The following RAB8A variants were observed in gnomAD, a reference collection of about 807,000 sequenced individuals.
RAB8A encodes the protein ras-related protein Rab-8A.
A neutral mutation model predicts 29.2 loss-of-function variants in RAB8A; 5 were observed. That is an observed-to-expected ratio of 0.17 (90% confidence interval 0.09 to 0.36). The LOEUF (loss-of-function observed/expected upper bound fraction) is 0.36. RAB8A is among the 10% of genes least tolerant of loss of function. RAB8A has a pLI of 1.00. For missense variants in RAB8A, 171 were observed against 272.2 expected (o/e 0.63, Z 2.62); for synonymous variants, 108 against 99.9 (o/e 1.08, Z -0.49).
chr19:16,124,999 CTTCCTG>C, intron 3 of RAB8A: 2 of 205,470 alleles, frequency 9.7e-6, no homozygotes, highest in South Asian at 8.3e-5. Context: ...CGGGTCAGGA[CTTCCTG>C]GGCTCAGTTG....
chr19:16,128,538 C>T (rs1002836892), intron 6 of RAB8A, among the ~76,000 whole-genome samples: 18 of 152,212 alleles, frequency 1.2e-4, no homozygotes, highest in Admixed American at 9.2e-4. Flanking sequence ...CCCAGCCCTG[C>T]GGCCGATCCT....
chr19:16,118,387 A>C (rs1022196247), intron 2 of RAB8A, 101 bp downstream of exon 2: 3 of 1,094,564 alleles, frequency 2.7e-6, no homozygotes, highest in African/African-American at 3.2e-5. Context: ...CTTGGCCTCC[A>C]TTTCTTGGTG....
Position 16,127,792 on chromosome 19 carries a change from G to T in RAB8A, c.415-234G>T. 1.6e-6 allele frequency: 1 copy of T among 624,910 alleles called. No individual in the cohort carries two copies. Among genetic ancestry groups the T allele is most frequent in the East Asian group, 2.7e-5 (1 of 36,488 alleles). The allele number at this position is 624,910 out of a possible 1,614,324, so 38.7% of individuals were successfully genotyped here. A position where few individuals can be genotyped will look rare whatever the true frequency, so the allele number is the denominator to read the frequency against. On this transcript the variant is annotated intron_variant, in intron 5 of 7. Transcript: ENST00000300935. This position sits in a 1 kb window ranked among gnomAD's most constrained non-coding sequence, Gnocchi z 4.8. ...CAGAGCCATAGTTTGATCCCAGCAG[G>T]TCCCCGCCACCCTCCCATCTCAGCT...
chr19:16,127,469 C>T lies in RAB8A; in HGVS notation c.357C>T (p.Leu119=), dbSNP rs1043308. The T allele has an allele frequency of 0.32, 487,424 of 1,520,232 alleles. 79,422 individuals are homozygous for T. Among genetic ancestry groups the T allele is most frequent in the Admixed American group, 0.36 (15,811 of 43,950 alleles). The allele number at this position is 1,520,232 out of a possible 1,614,324, so 94.2% of individuals were successfully genotyped here. A position where few individuals can be genotyped will look rare whatever the true frequency, so the allele number is the denominator to read the frequency against. ...CTGCAGACGTCGAAAAGATGATACT[C>T]GGGAACAAGTGTGATGTGAATGACA... The part of the protein sequence containing the change: ...HASADVEKMI[L]GNKCDVNDKR... Residue 119 remains leucine, a synonymous_variant, in exon 5 of 8, where the codon CTC becomes CTT. Transcript: ENST00000300935. This position sits in a 1 kb window ranked among gnomAD's most constrained non-coding sequence, Gnocchi z 4.8.
intron 2 of RAB8A, among the ~76,000 whole-genome samples, chr19:16,119,472 T>G (rs183090213): frequency 2.6e-5 from 4 of 152,194 alleles, no homozygotes; most frequent in Admixed American, 6.5e-5. Flanking sequence ...CCCAAAGTGC[T>G]GGGATTATAG....
rs571055381 is a variant in RAB8A, at chr19:16,125,020, T to C, written c.247-450T>C. ...AGGACTTCCTGGGCTCAGTTGTGCC[T>C]GGTAGGTGGCTCAGGCAGAGCGTGG... On this transcript the variant is annotated intron_variant, in intron 3 of 7. Transcript: ENST00000300935. This position sits in a 1 kb window ranked among gnomAD's most constrained non-coding sequence, Gnocchi z 5.0. 1.7e-5 allele frequency: 4 copies of C among 230,978 alleles called. No individual in the cohort carries two copies. In the East Asian group the frequency reaches 3.9e-4, roughly 23 times the overall value. 14.3% of individuals were successfully genotyped at this position (230,978 alleles called of 1,614,324 possible). A position where few individuals can be genotyped will look rare whatever the true frequency, so the allele number is the denominator to read the frequency against.
Position 16,132,387 on chromosome 19 carries a change from C to A in RAB8A, c.*83C>A, listed in dbSNP as rs1468781609. 5 of 1,405,724 alleles carry A rather than the reference C, an allele frequency of 3.6e-6. No individual in the cohort carries two copies. The highest frequency in any genetic ancestry group is 3.9e-6 in the Non-Finnish European group (4 of 1,017,926). 87.1% of individuals were successfully genotyped at this position (1,405,724 alleles called of 1,614,324 possible). A position where few individuals can be genotyped will look rare whatever the true frequency, so the allele number is the denominator to read the frequency against. ...GAGCCCCTCACTCAGCCGGGGCCCT[C>A]CCACCTCCAACGCCCCGCCCACGCC... On this transcript the variant is annotated 3_prime_UTR_variant, in exon 8 of 8. Transcript: ENST00000300935. The surrounding 1 kb of genome is among the most constrained non-coding windows in gnomAD (Gnocchi z 5.6).
intron 1 of RAB8A, chr19:16,112,265 C>A: frequency 1.9e-6 from 1 of 530,958 alleles, no homozygotes; most frequent in Non-Finnish European, 3.4e-6. Context: ...TCAGCCCGCT[C>A]GTTAGGGCGT....
At position 16,127,974 on chromosome 19, in the gene RAB8A, C is replaced by G. The variant is rs1256967136; in HGVS notation, c.415-52C>G. Reference sequence around the variant, plus strand: ...CTTCAGCTCCTGTTTTAGGCAAGCTCAGATGCGCCCGGCGGCTGGTGTGCT... The same window carrying G: ...CTTCAGCTCCTGTTTTAGGCAAGCTGAGATGCGCCCGGCGGCTGGTGTGCT... On this transcript the variant is annotated intron_variant, in intron 5 of 7. Coordinates refer to ENST00000300935, the MANE Select transcript of RAB8A (RefSeq NM_005370.5). The surrounding 1 kb of genome is among the most constrained non-coding windows in gnomAD (Gnocchi z 4.8). 1 of 1,589,946 alleles carries G rather than the reference C, an allele frequency of 6.3e-7. No homozygotes were observed. The highest frequency in any genetic ancestry group is 8.6e-7 in the Non-Finnish European group (1 of 1,158,030).
chr19:16,125,344 C>A lies in RAB8A; in HGVS notation c.247-126C>A, dbSNP rs530929887. ...CGGGGCTCCACAGAGGTGGGGAGGG[C>A]GGCAGCTAATGGGCCTGGCTGTGCA... On this transcript the variant is annotated intron_variant, in intron 3 of 7. Coordinates refer to ENST00000300935, the MANE Select transcript of RAB8A (RefSeq NM_005370.5). The surrounding 1 kb of genome is among the most constrained non-coding windows in gnomAD (Gnocchi z 5.0). 3 of 763,160 alleles carry A rather than the reference C, an allele frequency of 3.9e-6. No homozygotes were observed. The highest frequency in any genetic ancestry group is 4.3e-5 in the Admixed American group (2 of 46,480). The allele number at this position is 763,160 out of a possible 1,614,324, so 47.3% of individuals were successfully genotyped here.
chr19:16,114,008 C>G (rs968467583), intron 1 of RAB8A, among the ~76,000 whole-genome samples: 4 of 152,214 alleles, frequency 2.6e-5, no homozygotes, highest in East Asian at 1.9e-4. Context: ...CCCCCTCCCC[C>G]ACTCCAAGGC....
Position 16,132,376 on chromosome 19 carries a change from G to GAA in RAB8A, c.*72_*73insAA. On this transcript the variant is annotated 3_prime_UTR_variant, in exon 8 of 8. Coordinates refer to ENST00000300935, the MANE Select transcript of RAB8A (RefSeq NM_005370.5). The surrounding 1 kb of genome is among the most constrained non-coding windows in gnomAD (Gnocchi z 5.6). ...CTGTTCTGAGTGAGCCCCTCACTCA[G>GAA]CCGGGGCCCTCCCACCTCCAACGCC... 10 of 1,496,598 alleles carry GAA rather than the reference G, an allele frequency of 6.7e-6. No homozygotes were observed. Among genetic ancestry groups the GAA allele is most frequent in the African/African-American group, 1.4e-5 (1 of 72,088 alleles). The allele number at this position is 1,496,598 out of a possible 1,614,324, so 92.7% of individuals were successfully genotyped here.
chr19:16,125,553 G>T lies in RAB8A; in HGVS notation c.324+6G>T, dbSNP rs1291886643. The T allele has an allele frequency of 5.6e-6, 9 of 1,609,292 alleles. No homozygotes were observed. The highest frequency in any genetic ancestry group is 7.6e-6 in the Non-Finnish European group (9 of 1,177,302). Reference sequence around the variant, plus strand: ...GGATTCGCAACATTGAGGAGGTGAGGCCCTCCGGCTCCTCCCACTGTCCCT... The same window carrying T: ...GGATTCGCAACATTGAGGAGGTGAGTCCCTCCGGCTCCTCCCACTGTCCCT... On this transcript the variant is annotated splice_donor_region_variant and intron_variant, in intron 4 of 7. Transcript: ENST00000300935. This position sits in a 1 kb window ranked among gnomAD's most constrained non-coding sequence, Gnocchi z 5.0.
At chr19:16,121,422 G>T (rs1439567686) in intron 2 of RAB8A, among the ~76,000 whole-genome samples, 1 of 152,142 alleles carries the variant, frequency 6.6e-6, no homozygotes, top group Non-Finnish European at 1.5e-5. Flanking sequence ...ACCCTCAACA[G>T]CAAGAGCTAT....
At chr19:16,128,911 C>T (rs1341903344) in intron 6 of RAB8A, among the ~76,000 whole-genome samples, 2 of 152,260 alleles carry the variant, frequency 1.3e-5, no homozygotes, top group African/African-American at 2.4e-5. Flanking sequence ...GAACCTCCCA[C>T]ATCATGGGGA....
intron 6 of RAB8A, 137 bp from the exon 7 acceptor site, chr19:16,129,417 A>G (rs1339410628): frequency 1.3e-6 from 1 of 785,856 alleles, no homozygotes; most frequent in Non-Finnish European, 2.2e-6. Context: ...AGATGAACCC[A>G]CTGCCAGAGG....
chr19:16,129,054 T>A (rs2090914242), intron 6 of RAB8A, among the ~76,000 whole-genome samples: 1 of 152,190 alleles, frequency 6.6e-6, no homozygotes, highest in African/African-American at 2.4e-5. Flanking sequence ...GGACTCCGAG[T>A]GAAGCTTGTT....
At chr19:16,130,192 T>C (rs2090919315) in intron 7 of RAB8A, among the ~76,000 whole-genome samples, 2 of 152,002 alleles carry the variant, frequency 1.3e-5, no homozygotes, top group Admixed American at 6.6e-5. Flanking sequence ...CCTAGTCCGC[T>C]GCGCTCAGTA....
At chr19:16,118,349 G>A in intron 2 of RAB8A, 63 bp downstream of exon 2, 1 of 1,481,154 alleles carries the variant, frequency 6.8e-7, no homozygotes. Flanking sequence ...AGAAGCCCTT[G>A]GCCTTCTCCC....
Sources: gnomAD v4.1 joint callset for allele counts (sites outside exome capture counted in the v4.1 genomes callset) on GRCh38, gnomAD v4.1.1 for gene constraint, Gnocchi (gnomAD v3.1) non-coding constraint, MANE v1.5 for transcripts, NCBI Gene and HGNC (gene_info 2026-07-23, HGNC 2026-07-21) for gene names.